The following TMEM170A variants were observed in gnomAD, a reference collection of about 807,000 sequenced individuals.
TMEM170A encodes transmembrane protein 170A, also known as transmembrane protein 170.
Under a neutral mutation model 12.8 loss-of-function variants are expected in TMEM170A, and 18 were observed. The ratio of observed to expected loss-of-function variants is 1.41; its 90% CI spans 0.97 to 2.09. The LOEUF (loss-of-function observed/expected upper bound fraction) is 2.09, where lower values mean the gene tolerates loss of function less well. Ranked by LOEUF, TMEM170A falls within the 30% of genes most tolerant of loss-of-function variation. The pLI is 0.00. For synonymous variants in TMEM170A, 107 were observed against 76.2 expected (o/e 1.40, Z -2.11); for missense variants, 220 against 179.9 (o/e 1.22, Z -1.28).
At position 75,443,661 on chromosome 16, in the gene TMEM170A, G is replaced by C. The variant is rs1180310349; in HGVS notation, c.*3897C>G. 6 of 152,260 alleles carry C rather than the reference G, an allele frequency of 3.9e-5. No homozygotes were observed. The South Asian group carries it at 1.0e-3, about 26-fold the overall frequency. The allele number at this position is 152,260 out of a possible 1,614,324, so 9.4% of individuals were successfully genotyped here. ...TAATTAATGAACTTTTCCTCACCTAGTGTAAACATTTCATAAGAAGTAATA... is the reference window on the plus strand; with the variant it reads ...TAATTAATGAACTTTTCCTCACCTACTGTAAACATTTCATAAGAAGTAATA... On this transcript the variant is annotated 3_prime_UTR_variant, in exon 3 of 3. Transcript: ENST00000561878.
At position 75,451,675 on chromosome 16, in the gene TMEM170A, A is replaced by G. The variant is rs2079685419; in HGVS notation, c.298T>C (p.Leu100=). 1.2e-6 allele frequency: 2 copies of G among 1,614,212 alleles called. No homozygotes were observed. The highest frequency in any genetic ancestry group is 1.7e-6 in the Non-Finnish European group (2 of 1,180,036). ...ATTTTAATGTCTAACATACTTGTCA[A>G]GATTCCAGCAGTAATTGGTCCCACG... The part of the protein sequence containing the change: ...GIVGPITAGI[L]TSAAIAGVYR... Residue 100 remains leucine, a synonymous_variant, in exon 2 of 3, where the codon TTG becomes CTG. Transcript: ENST00000561878.
intron 1 of TMEM170A, among the ~76,000 whole-genome samples, chr16:75,461,285 C>G (rs1287145268): frequency 6.6e-6 from 1 of 151,786 alleles, no homozygotes; most frequent in Admixed American, 6.6e-5. Flanking sequence ...AACTCCTGAC[C>G]TTAGATGATC....
intron 1 of TMEM170A, among the ~76,000 whole-genome samples, chr16:75,461,973 G>T (rs1274777503): frequency 2.0e-5 from 3 of 152,118 alleles, no homozygotes; most frequent in Non-Finnish European, 4.4e-5. Context: ...CTTAATGAAA[G>T]GGAACTAAAA....
intron 1 of TMEM170A, among the ~76,000 whole-genome samples, chr16:75,461,791 C>T (rs1450754954): frequency 1.3e-5 from 2 of 152,196 alleles, no homozygotes; most frequent in Non-Finnish European, 2.9e-5. Context: ...TAAACGATCT[C>T]TGGTAATCGA....
upstream of TMEM170A, chr16:75,464,693 TC>T: frequency 6.8e-7 from 1 of 1,468,000 alleles, no homozygotes. Flanking sequence ...CAGCGTCACC[TC>T]CAGCCGGGGT....
Position 75,447,490 on chromosome 16 carries a change from C to T in TMEM170A, c.*68G>A. Reference sequence around the variant, plus strand: ...TTTGAAGAACTAAGAAAACACTACACTCCATAATGTATTCTTTTGGAGGAT... The same window carrying T: ...TTTGAAGAACTAAGAAAACACTACATTCCATAATGTATTCTTTTGGAGGAT... On this transcript the variant is annotated 3_prime_UTR_variant, in exon 3 of 3. Coordinates refer to ENST00000561878, the MANE Select transcript of TMEM170A (RefSeq NM_145254.3). The T allele has an allele frequency of 3.9e-6, 6 of 1,520,020 alleles. No individual in the cohort carries two copies. The highest frequency in any genetic ancestry group is 2.5e-5 in the South Asian group (2 of 78,646). 94.2% of individuals were successfully genotyped at this position (1,520,020 alleles called of 1,614,324 possible).
chr16:75,464,729 C>T, upstream of TMEM170A: 2 of 1,308,990 alleles, frequency 1.5e-6, no homozygotes, highest in Non-Finnish European at 2.0e-6. Flanking sequence ...CCCAACGGCG[C>T]TGCCAAGTGA....
chr16:75,455,771 A>T (rs2079781504), intron 1 of TMEM170A, among the ~76,000 whole-genome samples: 1 of 152,240 alleles, frequency 6.6e-6, no homozygotes, highest in Non-Finnish European at 1.5e-5. Context: ...AGAGAGCTAG[A>T]CTTTAAAAAG....
In TMEM170A at chr16:75,464,687, G is replaced by T; in HGVS notation, c.-87C>A. ...GCCGACTCACCCTCGCCGCCTCAGC[G>T]TCACCTCCAGCCGGGGTCCTCTTCC... On this transcript the variant is annotated 5_prime_UTR_variant, in exon 1 of 3. Coordinates refer to ENST00000561878, the MANE Select transcript of TMEM170A (RefSeq NM_145254.3). 1 of 1,486,718 alleles carries T rather than the reference G, an allele frequency of 6.7e-7. No individual in the cohort carries two copies. The highest frequency in any genetic ancestry group is 8.9e-7 in the Non-Finnish European group (1 of 1,124,258). 92.1% of individuals were successfully genotyped at this position (1,486,718 alleles called of 1,614,324 possible).
At chr16:75,461,320 C>T (rs148327864) in intron 1 of TMEM170A, among the ~76,000 whole-genome samples, 18 of 152,184 alleles carry the variant, frequency 1.2e-4, no homozygotes, top group African/African-American at 3.9e-4. Context: ...TCCCAAAGTG[C>T]TGGGATTACA....
intron 1 of TMEM170A, among the ~76,000 whole-genome samples, chr16:75,461,968 T>C (rs1001122917): frequency 1.3e-5 from 2 of 152,208 alleles, no homozygotes; most frequent in African/African-American, 4.8e-5. Flanking sequence ...CTTTTCTTAA[T>C]GAAAGGGAAC....
At chr16:75,460,781 C>T (rs941838989) in intron 1 of TMEM170A, among the ~76,000 whole-genome samples, 10 of 152,326 alleles carry the variant, frequency 6.6e-5, no homozygotes, top group Non-Finnish European at 1.3e-4. Context: ...ACACAATCAA[C>T]ACTGAGCAAA....
At chr16:75,449,325 T>G (rs8059427) in intron 2 of TMEM170A, among the ~76,000 whole-genome samples, 31,816 of 134,458 alleles carry the variant, frequency 0.24, 3,679 homozygotes, top group African/African-American at 0.3. Flanking sequence ...CTCAATCACG[T>G]TTACAATTTT....
chr16:75,451,886 G>A (rs775516249), intron 1 of TMEM170A, 47 bp from the exon 2 acceptor site: 1 of 1,526,998 alleles, frequency 6.5e-7, no homozygotes, highest in Non-Finnish European at 8.9e-7. Flanking sequence ...CCCTTCCCAG[G>A]ACAATCATTG....
At chr16:75,459,332 C>T (rs543402934) in intron 1 of TMEM170A, among the ~76,000 whole-genome samples, 1 of 152,358 alleles carries the variant, frequency 6.6e-6, no homozygotes, top group South Asian at 2.1e-4. Context: ...CTAACCTCCA[C>T]AGCAGAGTCA....
At chr16:75,452,655 G>A (rs745942539) in intron 1 of TMEM170A, 1 of 152,130 alleles carries the variant, frequency 6.6e-6, no homozygotes, top group African/African-American at 2.4e-5. Context: ...GCCCAGGCTG[G>A]TCTTGAATGC....
rs371309188 is a variant in TMEM170A, at chr16:75,455,661, C to T, written c.134-3822G>A. Among the ~76,000 whole-genome samples, 10 of 151,994 alleles carry T rather than the reference C, an allele frequency of 6.6e-5. No homozygotes were observed. In the East Asian group the frequency reaches 9.7e-4, roughly 15 times the overall value. On this transcript the variant is annotated intron_variant, in intron 1 of 2. Coordinates refer to ENST00000561878, the MANE Select transcript of TMEM170A (RefSeq NM_145254.3). ...CTCCTAAAAATACGTAAAAATTAGC[C>T]GGGCGTGGTGGCAAATGCCTGTAAT... is the stretch of plus-strand genomic sequence containing the variant.
Position 75,447,458 on chromosome 16 carries a change from G to T in TMEM170A, c.*100C>A. 7.7e-7 allele frequency: 1 copy of T among 1,297,522 alleles called. No homozygotes were observed. The highest frequency in any genetic ancestry group is 1.0e-6 in the Non-Finnish European group (1 of 984,362). 80.4% of individuals were successfully genotyped at this position (1,297,522 alleles called of 1,614,324 possible). On this transcript the variant is annotated 3_prime_UTR_variant, in exon 3 of 3. Transcript: ENST00000561878. ...CTTCATGTTCCTGTTCATCCAAGTT[G>T]CTTCCCTTTGAAGAACTAAGAAAAC...
intron 1 of TMEM170A, among the ~76,000 whole-genome samples, chr16:75,460,829 G>C (rs1163280284): frequency 6.6e-6 from 1 of 152,200 alleles, no homozygotes; most frequent in Non-Finnish European, 1.5e-5. Context: ...TGGTCCAAGT[G>C]TGACCAGTCT....
Sources: allele counts gnomAD v4.1 joint callset (sites outside exome capture counted in the v4.1 genomes callset), GRCh38; gene constraint gnomAD v4.1.1; transcripts MANE v1.5; gene names NCBI Gene and HGNC (gene_info 2026-07-23, HGNC 2026-07-21).